Variants in SLC39A14 observed in about 807,000 individuals in gnomAD.
SLC39A14 encodes the protein solute carrier family 39 member 14, also known as metal cation symporter ZIP14.
Under a neutral mutation model 45.5 loss-of-function variants are expected in SLC39A14, and 19 were observed. That is an observed-to-expected ratio of 0.42 (90% CI 0.29 to 0.61). The LOEUF (loss-of-function observed/expected upper bound fraction) is 0.61, where lower values mean the gene tolerates loss of function less well. SLC39A14 is among the 20% of genes least tolerant of loss of function. SLC39A14 has a pLI of 0.22. For missense variants in SLC39A14, 447 were observed against 616.5 expected, an observed-to-expected ratio of 0.73 and a Z score of 2.91; for synonymous variants, 264 against 251.3, an observed-to-expected ratio of 1.05 and a Z score of -0.48.
chr8:22,384,975 G>A (rs1012958549), intron 1 of SLC39A14, among the ~76,000 whole-genome samples: 5 of 151,584 alleles, frequency 3.3e-5, no homozygotes, highest in Admixed American at 2.0e-4. Context: ...GCTTGAACCC[G>A]GGAGGCGGAG....
In SLC39A14 at chr8:22,421,522, G is replaced by A. The variant is rs1247278302; in HGVS notation, c.*1824G>A. ...GGGATTATGGTCCAGTTTTACCAAA[G>A]AACCAATTCCTTGAATGTTGGAATC... On this transcript the variant is annotated 3_prime_UTR_variant, in exon 9 of 9. Transcript: ENST00000381237. 1 of 985,470 alleles carries A rather than the reference G, an allele frequency of 1.0e-6. No homozygotes were observed. Among genetic ancestry groups the A allele is most frequent in the Non-Finnish European group, 1.2e-6 (1 of 829,746 alleles). The allele number at this position is 985,470 out of a possible 1,614,324, so 61.0% of individuals were successfully genotyped here. A position where few individuals can be genotyped will look rare whatever the true frequency, so the allele number is the denominator to read the frequency against.
Position 22,422,005 on chromosome 8 carries a change from G to C in SLC39A14, c.*2307G>C. On this transcript the variant is annotated 3_prime_UTR_variant, in exon 9 of 9. Coordinates refer to ENST00000381237, the MANE Select transcript of SLC39A14 (RefSeq NM_001128431.4). Reference sequence around the variant, plus strand: ...TAGGAGGGGCGGAGACGCTCACATCGTCTGACTTGAGTCGCCACTGATTGT... The same window carrying C: ...TAGGAGGGGCGGAGACGCTCACATCCTCTGACTTGAGTCGCCACTGATTGT... 2.0e-6 allele frequency: 2 copies of C among 985,440 alleles called. No individual in the cohort carries two copies. Among genetic ancestry groups the C allele is most frequent in the Non-Finnish European group, 1.2e-6 (1 of 829,922 alleles). 61.0% of individuals were successfully genotyped at this position (985,440 alleles called of 1,614,324 possible).
At position 22,408,504 on chromosome 8, in the gene SLC39A14, A is replaced by G. The variant is rs1164951296; in HGVS notation, c.457+8A>G. 3 of 1,608,414 alleles carry G rather than the reference A, an allele frequency of 1.9e-6. No homozygotes were observed. The highest frequency in any genetic ancestry group is 2.5e-6 in the Non-Finnish European group (3 of 1,176,700). On this transcript the variant is annotated splice_region_variant and intron_variant, in intron 3 of 8. Coordinates refer to ENST00000381237, the MANE Select transcript of SLC39A14 (RefSeq NM_001128431.4). ...GGCCAAGCGCTGTTGAAGGTGAGCCAGGCCAGGAAGGCAGGAGCCCATCTC... is the reference window on the plus strand; with the variant it reads ...GGCCAAGCGCTGTTGAAGGTGAGCCGGGCCAGGAAGGCAGGAGCCCATCTC...
At chr8:22,389,293 C>A (rs1351510141) in intron 1 of SLC39A14, among the ~76,000 whole-genome samples, 2 of 152,210 alleles carry the variant, frequency 1.3e-5, no homozygotes, top group East Asian at 3.9e-4. Context: ...TGCTGCTGTT[C>A]CAGCAACCGC....
intron 1 of SLC39A14, among the ~76,000 whole-genome samples, chr8:22,370,471 A>G (rs1467173387): frequency 6.6e-6 from 1 of 152,172 alleles, no homozygotes; most frequent in African/African-American, 2.4e-5. Flanking sequence ...CCCCACAACC[A>G]TGGAATGTTG....
intron 1 of SLC39A14, chr8:22,390,664 A>C (rs1268395423): frequency 5.9e-6 from 1 of 169,788 alleles, no homozygotes; most frequent in Non-Finnish European, 1.3e-5. Flanking sequence ...ATTTGGTCAA[A>C]TTGCTGGAAG....
intron 1 of SLC39A14, among the ~76,000 whole-genome samples, chr8:22,370,601 A>G (rs1832872622): frequency 6.6e-6 from 1 of 152,214 alleles, no homozygotes; most frequent in Non-Finnish European, 1.5e-5. Flanking sequence ...AAGAGACTTG[A>G]TGGAGAAGAC....
At chr8:22,396,183 A>G (rs1373709115) in intron 1 of SLC39A14, among the ~76,000 whole-genome samples, 3 of 151,814 alleles carry the variant, frequency 2.0e-5, no homozygotes, top group Non-Finnish European at 4.4e-5. Flanking sequence ...CTTAGCCAAC[A>G]TGGTGAAACC....
chr8:22,411,198 A>C (rs1396177079), intron 3 of SLC39A14, among the ~76,000 whole-genome samples: 2 of 152,190 alleles, frequency 1.3e-5, no homozygotes, highest in Non-Finnish European at 2.9e-5. Context: ...AAATACTGTA[A>C]TTGTGTGTGC....
At chr8:22,405,261 C>A (rs967745401) in intron 2 of SLC39A14, among the ~76,000 whole-genome samples, 2 of 152,214 alleles carry the variant, frequency 1.3e-5, no homozygotes, top group African/African-American at 2.4e-5. Flanking sequence ...GCCTGTAATC[C>A]CAGCACTTTG....
intron 1 of SLC39A14, among the ~76,000 whole-genome samples, chr8:22,371,458 G>T (rs28582319): frequency 0.38 from 51,509 of 134,422 alleles, 12,802 homozygotes; most frequent in African/African-American, 0.71. Flanking sequence ...TTTTGAGACG[G>T]AGTCTCGCTC....
chr8:22,408,231 G>A, intron 2 of SLC39A14, 79 bp from the exon 3 acceptor site: 1 of 1,274,206 alleles, frequency 7.8e-7, no homozygotes, highest in African/African-American at 1.5e-5. Flanking sequence ...CCTCTGGGAA[G>A]GCTGAGTAGG....
Position 22,367,978 on chromosome 8 carries a change from T to A in SLC39A14, c.-16+570T>A, listed in dbSNP as rs1235288636. On this transcript the variant is annotated intron_variant, in intron 1 of 8. Coordinates refer to ENST00000381237, the MANE Select transcript of SLC39A14 (RefSeq NM_001128431.4). This position sits in a 1 kb window ranked among gnomAD's most constrained non-coding sequence, Gnocchi z 4.2. ...TGGTCGGGTTCAGGCTGCCCCCTCT[T>A]GGTGGGTGAGGGCAGTGGGACAAAG... 6.6e-6 allele frequency among the ~76,000 whole-genome samples: 1 copy of A among 152,018 alleles called. No individual in the cohort carries two copies. The highest frequency in any genetic ancestry group is 1.5e-5 in the Non-Finnish European group (1 of 67,986).
At position 22,422,652 on chromosome 8, in the gene SLC39A14, TATAA is replaced by T. The variant is rs1287362292; in HGVS notation, c.*2960_*2963del. 2 of 983,628 alleles carry T rather than the reference TATAA, an allele frequency of 2.0e-6. No homozygotes were observed. The highest frequency in any genetic ancestry group is 1.1e-4 in the East Asian group (1 of 8,820). 60.9% of individuals were successfully genotyped at this position (983,628 alleles called of 1,614,324 possible). A position where few individuals can be genotyped will look rare whatever the true frequency, so the allele number is the denominator to read the frequency against. On this transcript the variant is annotated 3_prime_UTR_variant, in exon 9 of 9. Transcript: ENST00000381237. ...TGTAAATGTTTTATTTGTAAGATTCTATAAATAAAGCTATATTCTGTAATTGTTG... is the reference window on the plus strand; with the variant it reads ...TGTAAATGTTTTATTTGTAAGATTCTATAAAGCTATATTCTGTAATTGTTG...
In SLC39A14 at chr8:22,422,204, G is replaced by T; in HGVS notation, c.*2506G>T. ...TCGACCTCATTTTCCAGATGCACCA[G>T]CTCCTATTAATAAGTTAGCAAGGAA... On this transcript the variant is annotated 3_prime_UTR_variant, in exon 9 of 9. Transcript: ENST00000381237. 1.0e-6 allele frequency: 1 copy of T among 985,410 alleles called. No homozygotes were observed. The highest frequency in any genetic ancestry group is 1.2e-6 in the Non-Finnish European group (1 of 829,916). 61.0% of individuals were successfully genotyped at this position (985,410 alleles called of 1,614,324 possible).
At chr8:22,433,896 G>C in exon 9 of SLC39A14, 2 of 376,782 alleles carry the variant, frequency 5.3e-6, no homozygotes, top group Non-Finnish European at 1.0e-5. Context: ...TTTAGATGGA[G>C]TTTTGCTCTG....
chr8:22,423,812 C>CTCTCTCTCTCT (rs1554523073), downstream of SLC39A14, among the ~76,000 whole-genome samples: 39 of 138,862 alleles, frequency 2.8e-4, no homozygotes, highest in Middle Eastern at 3.5e-3. Flanking sequence ...CTCTCTCTCT[C>CTCTCTCTCTCT]ATCTATCTTC....
downstream of SLC39A14, among the ~76,000 whole-genome samples, chr8:22,425,363 CTA>C (rs1343588039): frequency 5.9e-5 from 9 of 152,150 alleles, no homozygotes; most frequent in African/African-American, 4.8e-5. Context: ...TCAAAAAATG[CTA>C]TGAGTGTTCT....
At chr8:22,419,117 C>T (rs900628319) in intron 8 of SLC39A14, among the ~76,000 whole-genome samples, 9 of 152,174 alleles carry the variant, frequency 5.9e-5, no homozygotes, top group Non-Finnish European at 1.0e-4. Context: ...GCCACATACA[C>T]GTTGAGTACT....
Sources: allele counts gnomAD v4.1 joint callset (sites outside exome capture counted in the v4.1 genomes callset), GRCh38; gene constraint gnomAD v4.1.1; non-coding constraint Gnocchi (gnomAD v3.1); transcripts MANE v1.5; gene names NCBI Gene and HGNC (gene_info 2026-07-23, HGNC 2026-07-21).